EYA1: variants seen among roughly 807,000 people sequenced by gnomAD.
EYA1 encodes the protein protein phosphatase EYA1.
In EYA1, 16 loss-of-function variants were observed where a neutral mutation model predicts 82.0. The observed-to-expected ratio is 0.20, with a 90% CI of 0.13 to 0.30. EYA1 has a LOEUF of 0.30. Among genes scored for constraint, EYA1 ranks in the 10% least tolerant of loss-of-function variants. The probability of loss-of-function intolerance (pLI) is 1.00; values close to 1 mark genes in which losing one functional copy is unlikely to be tolerated. For synonymous variants in EYA1, 261 were observed against 264.4 expected (o/e 0.99, Z 0.12); for missense variants, 633 against 730.7 (o/e 0.87, Z 1.54).
intron 2 of EYA1, among the ~76,000 whole-genome samples, chr8:71,426,311 G>GTT (rs1805225241): frequency 6.6e-6 from 1 of 152,218 alleles, no homozygotes; most frequent in African/African-American, 2.4e-5. Context: ...CCCTGGAATT[G>GTT]TAAGAGCCAA....
At chr8:71,327,823 A>G (rs1362770688) in intron 4 of EYA1, among the ~76,000 whole-genome samples, 2 of 150,752 alleles carry the variant, frequency 1.3e-5, no homozygotes, top group Non-Finnish European at 3.0e-5. Flanking sequence ...TTAAGACACT[A>G]ATAATAGTTA....
intron 2 of EYA1, among the ~76,000 whole-genome samples, chr8:71,429,576 A>C (rs1468587376): frequency 6.6e-6 from 1 of 152,090 alleles, no homozygotes; most frequent in Admixed American, 6.6e-5. Flanking sequence ...TCACTTACCT[A>C]ATATGATGAA....
At chr8:71,407,422 C>T (rs1413286378) in intron 2 of EYA1, among the ~76,000 whole-genome samples, 1 of 145,810 alleles carries the variant, frequency 6.9e-6, no homozygotes, top group Non-Finnish European at 1.5e-5. Context: ...GATCAAATTA[C>T]TCTGAGCTAC....
At chr8:71,222,473 T>C (rs1166778796) in intron 12 of EYA1, among the ~76,000 whole-genome samples, 2 of 152,320 alleles carry the variant, frequency 1.3e-5, no homozygotes, top group Admixed American at 1.3e-4. Context: ...ACACCAGAGA[T>C]TCATCATCCC....
intron 11 of EYA1, among the ~76,000 whole-genome samples, chr8:71,249,199 A>C (rs1404588821): frequency 6.6e-6 from 1 of 152,040 alleles, no homozygotes; most frequent in Non-Finnish European, 1.5e-5. Flanking sequence ...CTCCTCTATG[A>C]CAGCAATCTT....
rs186140805 is a variant in EYA1, at chr8:71,232,251, C to G, written c.1140+12352G>C. Among the ~76,000 whole-genome samples, 7 of 152,318 alleles carry G rather than the reference C, an allele frequency of 4.6e-5. No homozygotes were observed. In the East Asian group the frequency reaches 1.3e-3, roughly 29 times the overall value. On this transcript the variant is annotated intron_variant, in intron 12 of 17. Coordinates refer to ENST00000340726, the MANE Select transcript of EYA1 (RefSeq NM_000503.6). ...AAAGTTTCCCAAAGGACTGCTGCCC[C>G]CTGCCTCCTACTTCACTAAGGACGC...
rs113085140 is a variant in EYA1 at position 71,438,572 on chromosome 8, G to A, written c.34-82061C>T. ...GTGGCACAGGCAGAAACTGCTGTCAGGGTTGACCAGTGCAGACGAAATGAT... is the reference window on the plus strand; with the variant it reads ...GTGGCACAGGCAGAAACTGCTGTCAAGGTTGACCAGTGCAGACGAAATGAT... On this transcript the variant is annotated intron_variant, in intron 2 of 18. Transcript: ENST00000643681. Among the ~76,000 whole-genome samples, 10 of 152,240 alleles carry A rather than the reference G, an allele frequency of 6.6e-5. 1 individual carries two copies. The highest frequency in any genetic ancestry group is 2.4e-4 in the African/African-American group (10 of 41,556).
intron 1 of EYA1, 23 bp downstream of exon 1, chr8:71,361,624 T>G: frequency 1.0e-6 from 1 of 978,932 alleles, no homozygotes; most frequent in Non-Finnish European, 1.2e-6. Flanking sequence ...CTACAATTTT[T>G]CAAACAGTCA....
At chr8:71,311,446 G>A (rs1008373065) in intron 7 of EYA1, among the ~76,000 whole-genome samples, 1 of 152,164 alleles carries the variant, frequency 6.6e-6, no homozygotes, top group Non-Finnish European at 1.5e-5. Context: ...GTAAGCAGCA[G>A]TAAAAACATA....
intron 12 of EYA1, 133 bp from the exon 13 acceptor site, chr8:71,217,156 T>C: frequency 1.5e-6 from 1 of 689,460 alleles, no homozygotes; most frequent in Non-Finnish European, 2.6e-6. Flanking sequence ...AATCAGTAGG[T>C]GGCAGTCTTG....
At chr8:71,468,431 G>A (rs1265616810) in intron 2 of EYA1, among the ~76,000 whole-genome samples, 1 of 152,110 alleles carries the variant, frequency 6.6e-6, no homozygotes, top group African/African-American at 2.4e-5. Context: ...CAACGGAAGT[G>A]TTATAATATA....
At position 71,393,535 on chromosome 8, in the gene EYA1, A is replaced by G. The variant is rs1314724241; in HGVS notation, c.34-37024T>C. On this transcript the variant is annotated intron_variant, in intron 2 of 18. Transcript: ENST00000643681. Reference sequence around the variant, plus strand: ...TGTTCAATTCCCACCTATGAGTGAGAACATGTGGTGTTTGGTTTTCTGTCC... The same window carrying G: ...TGTTCAATTCCCACCTATGAGTGAGGACATGTGGTGTTTGGTTTTCTGTCC... Among the ~76,000 whole-genome samples, 6 of 152,280 alleles carry G rather than the reference A, an allele frequency of 3.9e-5. No individual in the cohort carries two copies. The East Asian group carries it at 9.6e-4, about 24-fold the overall frequency.
intron 9 of EYA1, among the ~76,000 whole-genome samples, chr8:71,297,491 CTCTT>C (rs1174273936): frequency 1.3e-5 from 2 of 152,162 alleles, no homozygotes; most frequent in Non-Finnish European, 1.5e-5. Flanking sequence ...GTCTCCTCTT[CTCTT>C]TCTATGACTC....
At chr8:71,486,286 C>T (rs1015889376) in intron 2 of EYA1, among the ~76,000 whole-genome samples, 5 of 152,072 alleles carry the variant, frequency 3.3e-5, no homozygotes, top group South Asian at 2.1e-4. Flanking sequence ...CTTGGGTTGG[C>T]GCCTCTGATC....
At chr8:71,393,185 G>T (rs1586617284) in intron 2 of EYA1, among the ~76,000 whole-genome samples, 2 of 152,232 alleles carry the variant, frequency 1.3e-5, no homozygotes, top group African/African-American at 4.8e-5. Context: ...GCACTTTGTT[G>T]ATATAAAATT....
intron 9 of EYA1, among the ~76,000 whole-genome samples, chr8:71,295,376 CAAT>C (rs1819487339): frequency 6.6e-6 from 1 of 152,122 alleles, no homozygotes. Flanking sequence ...TAAAACCCAA[CAAT>C]AAGAAAACAA....
intron 9 of EYA1, among the ~76,000 whole-genome samples, chr8:71,284,695 A>G (rs1355296531): frequency 6.6e-6 from 1 of 152,252 alleles, no homozygotes; most frequent in Non-Finnish European, 1.5e-5. Flanking sequence ...AAATGCTTTC[A>G]TCCTTTAAAA....
intron 9 of EYA1, among the ~76,000 whole-genome samples, chr8:71,279,372 T>G (rs571748867): frequency 6.6e-6 from 1 of 152,214 alleles, no homozygotes; most frequent in South Asian, 2.1e-4. Flanking sequence ...AACATAAGTA[T>G]ATGCAAAAGT....
rs189017971 is a variant in EYA1 at position 71,215,114 on chromosome 8, T to C, written c.1597+273A>G. Among the ~76,000 whole-genome samples the C allele has an allele frequency of 1.7e-3, 258 of 152,344 alleles. 1 individual carries two copies. The highest frequency in any genetic ancestry group is 5.8e-3 in the African/African-American group (243 of 41,592). On this transcript the variant is annotated intron_variant, in intron 16 of 17. Transcript: ENST00000340726. ...AATGTTGCCTAAAAGGATAAAAATA[T>C]GATAATAATCCAGAATCGATGCTGT...
Sources: allele counts gnomAD v4.1 joint callset (sites outside exome capture counted in the v4.1 genomes callset), GRCh38; gene constraint gnomAD v4.1.1; transcripts MANE v1.5; gene names NCBI Gene and HGNC (gene_info 2026-07-23, HGNC 2026-07-21).